The following PDE7B variants were observed in gnomAD, a reference collection of about 807,000 sequenced individuals.
PDE7B encodes the protein 3',5'-cyclic-AMP phosphodiesterase 7B.
In PDE7B, 29 loss-of-function variants were observed where a neutral mutation model predicts 56.2. The observed-to-expected ratio is 0.52, with a 90% CI of 0.38 to 0.70. The LOEUF (loss-of-function observed/expected upper bound fraction) is 0.70, where lower values mean the gene tolerates loss of function less well. Ranked by LOEUF, PDE7B falls within the 30% of genes least tolerant of loss-of-function variation. The probability of loss-of-function intolerance (pLI) is 0.00; values close to 1 mark genes in which losing one functional copy is unlikely to be tolerated. For missense variants in PDE7B, 490 were observed against 565.0 expected (o/e 0.87, Z 1.35); for synonymous variants, 197 against 196.9 (o/e 1.00, Z 0.00).
At chr6:135,889,342 C>T (rs375025907) in intron 1 of PDE7B, among the ~76,000 whole-genome samples, 4 of 151,996 alleles carry the variant, frequency 2.6e-5, no homozygotes, top group Non-Finnish European at 2.9e-5. Context: ...AGTCTTACTC[C>T]GTCACCCAGG....
At chr6:136,182,220 A>G (rs1779077852) in intron 11 of PDE7B, among the ~76,000 whole-genome samples, 1 of 152,224 alleles carries the variant, frequency 6.6e-6, no homozygotes, top group South Asian at 2.1e-4. Flanking sequence ...GATTGAGCTC[A>G]TGTGGGGCCA....
chr6:135,871,314 AT>A (rs1775375238), intron 1 of PDE7B, among the ~76,000 whole-genome samples: 1 of 152,226 alleles, frequency 6.6e-6, no homozygotes, highest in East Asian at 1.9e-4. Flanking sequence ...ATTCATTATC[AT>A]TTGATTCCCA....
intron 3 of PDE7B, among the ~76,000 whole-genome samples, chr6:136,125,562 C>T (rs924968170): frequency 2.0e-5 from 3 of 151,680 alleles, no homozygotes; most frequent in Admixed American, 6.6e-5. Context: ...GGCAAAGATC[C>T]TGTCCCTAAA....
intron 2 of PDE7B, among the ~76,000 whole-genome samples, chr6:136,018,972 C>T (rs1173014063): frequency 2.0e-5 from 3 of 152,074 alleles, no homozygotes; most frequent in Admixed American, 6.5e-5. Flanking sequence ...CCTCTCTCCC[C>T]GACTAAGCCC....
At chr6:136,187,939 C>T (rs1278460143) in intron 12 of PDE7B, among the ~76,000 whole-genome samples, 2 of 152,174 alleles carry the variant, frequency 1.3e-5, no homozygotes, top group East Asian at 1.9e-4. Context: ...TAAACTCTGA[C>T]CCTGACATGT....
intron 3 of PDE7B, chr6:136,111,068 A>G (rs2128442262): frequency 1.3e-5 from 2 of 152,156 alleles, no homozygotes; most frequent in South Asian, 4.2e-4. Flanking sequence ...TCAGCATTCC[A>G]TTCCGGATAA....
At chr6:136,024,112 G>T (rs1267934273) in intron 2 of PDE7B, among the ~76,000 whole-genome samples, 1 of 152,056 alleles carries the variant, frequency 6.6e-6, no homozygotes, top group Non-Finnish European at 1.5e-5. Context: ...GTTATAATGG[G>T]TTTCTAGAGA....
intron 3 of PDE7B, among the ~76,000 whole-genome samples, chr6:136,139,508 T>C (rs1025553951): frequency 6.6e-5 from 10 of 152,292 alleles, no homozygotes; most frequent in African/African-American, 2.4e-4. Flanking sequence ...CTGGGTCAAA[T>C]GGTATTTCTA....
At chr6:136,092,804 A>G (rs555807947) in intron 2 of PDE7B, among the ~76,000 whole-genome samples, 1 of 152,244 alleles carries the variant, frequency 6.6e-6, no homozygotes, top group African/African-American at 2.4e-5. Flanking sequence ...AAATGGGGAG[A>G]TGTTGCTCAA....
At chr6:135,914,823 G>T (rs534336261) in intron 1 of PDE7B, among the ~76,000 whole-genome samples, 54 of 148,646 alleles carry the variant, frequency 3.6e-4, no homozygotes, top group Non-Finnish European at 7.0e-4. Context: ...GGCCTGGCGT[G>T]GTGGCTCACG....
chr6:136,122,679 G>T (rs1225241439), intron 3 of PDE7B, among the ~76,000 whole-genome samples: 1 of 152,142 alleles, frequency 6.6e-6, no homozygotes, highest in Non-Finnish European at 1.5e-5. Flanking sequence ...TGTTCTATGT[G>T]CTAAGCACTT....
In PDE7B at chr6:136,191,230, C is replaced by T. The variant is rs576289214; in HGVS notation, c.1127-384C>T. Among the ~76,000 whole-genome samples the T allele has an allele frequency of 5.9e-5, 9 of 152,220 alleles. No homozygotes were observed. In the East Asian group the frequency reaches 1.7e-3, roughly 29 times the overall value. On this transcript the variant is annotated intron_variant, in intron 12 of 12. Coordinates refer to ENST00000308191, the MANE Select transcript of PDE7B (RefSeq NM_018945.4). ...GGCACAAAGCCATTCAGGGACAAGC[C>T]CAAAGTGACACATCTTATGCTCCTA...
At chr6:136,074,409 CATTT>C (rs1330394663) in intron 2 of PDE7B, among the ~76,000 whole-genome samples, 1 of 152,086 alleles carries the variant, frequency 6.6e-6, no homozygotes, top group African/African-American at 2.4e-5. Flanking sequence ...TCACATCAAG[CATTT>C]ATTTCTTTCT....
At chr6:135,981,614 T>G (rs6905270) in intron 2 of PDE7B, among the ~76,000 whole-genome samples, 2 of 149,824 alleles carry the variant, frequency 1.3e-5, no homozygotes, top group Admixed American at 1.3e-4. Flanking sequence ...AGGGTCAAGA[T>G]GATCAATATC....
At chr6:136,051,294 TC>T (rs1052133492) in intron 2 of PDE7B, among the ~76,000 whole-genome samples, 11 of 152,120 alleles carry the variant, frequency 7.2e-5, no homozygotes, top group African/African-American at 2.7e-4. Flanking sequence ...CCAGAAAAGA[TC>T]ACAAGAAAAG....
At chr6:136,044,989 T>G (rs1445579695) in intron 2 of PDE7B, 2 of 146,774 alleles carry the variant, frequency 1.4e-5, no homozygotes, top group African/African-American at 4.9e-5. Flanking sequence ...AGCATTGACT[T>G]TTGCATCAGA....
At position 136,101,525 on chromosome 6, in the gene PDE7B, C is replaced by T. The variant is rs142937413; in HGVS notation, c.83-7206C>T. ...TATGTGTCCAGGAATCTATCCATTT[C>T]TTCCAGGTTTTCTAGTTTATTTGTG... On this transcript the variant is annotated intron_variant, in intron 2 of 12. Transcript: ENST00000308191. Among the ~76,000 whole-genome samples, 558 of 152,330 alleles carry T rather than the reference C, an allele frequency of 3.7e-3. 1 individual carries two copies. Among genetic ancestry groups the T allele is most frequent in the Middle Eastern group, 0.017 (5 of 294 alleles).
chr6:135,960,265 T>C (rs60213560), intron 2 of PDE7B, among the ~76,000 whole-genome samples: 1 of 152,300 alleles, frequency 6.6e-6, no homozygotes, highest in South Asian at 2.1e-4. Flanking sequence ...ATTTTTTCCC[T>C]TGTAGCAACT....
intron 2 of PDE7B, among the ~76,000 whole-genome samples, chr6:135,974,031 A>G (rs1478685232): frequency 6.6e-6 from 1 of 152,206 alleles, no homozygotes; most frequent in African/African-American, 2.4e-5. Flanking sequence ...ACATGAATCA[A>G]TGAACAAGAC....
Sources: gnomAD v4.1 joint callset for allele counts (sites outside exome capture counted in the v4.1 genomes callset) on GRCh38, gnomAD v4.1.1 for gene constraint, MANE v1.5 for transcripts, NCBI Gene and HGNC (gene_info 2026-07-23, HGNC 2026-07-21) for gene names.